Variants in KYAT1 observed in about 807,000 individuals in gnomAD.
KYAT1 encodes kynurenine--oxoglutarate transaminase 1.
KYAT1 carries 47 observed loss-of-function variants against 52.4 expected under a neutral mutation model. The ratio of observed to expected loss-of-function variants is 0.90; its 90% confidence interval spans 0.71 to 1.14. The LOEUF (loss-of-function observed/expected upper bound fraction) is 1.14. KYAT1 is among the 50% of genes most tolerant of loss of function. The pLI, the probability that KYAT1 is intolerant of heterozygous loss-of-function variation, is 0.00. For synonymous variants in KYAT1, 212 were observed against 209.6 expected (o/e 1.01, Z -0.10); for missense variants, 480 against 557.9 (o/e 0.86, Z 1.41).
chr9:128,871,768 T>C (rs1473442267), intron 1 of KYAT1, among the ~76,000 whole-genome samples: 2 of 152,144 alleles, frequency 1.3e-5, no homozygotes, highest in Non-Finnish European at 1.5e-5. Context: ...TACATATATA[T>C]ACATATACAC....
At chr9:128,851,105 A>C (rs976724498) in intron 1 of KYAT1, among the ~76,000 whole-genome samples, 1 of 152,152 alleles carries the variant, frequency 6.6e-6, no homozygotes, top group African/African-American at 2.4e-5. Flanking sequence ...CAGGTCCTTG[A>C]TATGCTGCAT....
intron 1 of KYAT1, among the ~76,000 whole-genome samples, chr9:128,863,971 C>T (rs973879726): frequency 1.3e-5 from 2 of 152,118 alleles, no homozygotes; most frequent in African/African-American, 4.8e-5. Flanking sequence ...CAGGCCTTCC[C>T]TAGTCAGCTC....
rs1359414919 is a variant in KYAT1, at chr9:128,838,202, A to G, written c.351+16T>C. 2 of 1,614,092 alleles carry G rather than the reference A, an allele frequency of 1.2e-6. No homozygotes were observed. Among genetic ancestry groups the G allele is most frequent in the African/African-American group, 1.3e-5 (1 of 74,922 alleles). Reference sequence around the variant, plus strand: ...TGACCTCTCAGTCCCACTCAGCCCAAGTCTTGCCCACTCACCTCGTCTCCT... The same window carrying G: ...TGACCTCTCAGTCCCACTCAGCCCAGGTCTTGCCCACTCACCTCGTCTCCT... On this transcript the variant is annotated intron_variant, in intron 4 of 12. Transcript: ENST00000302586.
intron 3 of KYAT1, chr9:128,840,783 T>C (rs1832017750): frequency 3.3e-6 from 1 of 306,664 alleles, no homozygotes; most frequent in Non-Finnish European, 6.5e-6. Context: ...CTCAAACTCC[T>C]GGGCTCAAAC....
At chr9:128,848,935 G>A (rs985122534) in intron 1 of KYAT1, among the ~76,000 whole-genome samples, 5 of 151,432 alleles carry the variant, frequency 3.3e-5, no homozygotes, top group South Asian at 2.1e-4. Context: ...TGAGACCAGC[G>A]AAACCCCATC....
At chr9:128,837,255 C>G (rs983797451) in intron 6 of KYAT1, among the ~76,000 whole-genome samples, 2 of 152,202 alleles carry the variant, frequency 1.3e-5, no homozygotes, top group Non-Finnish European at 2.9e-5. Context: ...GATCACACCA[C>G]TGCACTCCAG....
At chr9:128,881,773 C>T (rs1381198592) in intron 1 of KYAT1, 124 bp downstream of exon 1, 1 of 152,140 alleles carries the variant, frequency 6.6e-6, no homozygotes, top group Non-Finnish European at 1.5e-5. Context: ...GCAGCCACTC[C>T]GTTATACTTA....
chr9:128,841,655 C>T (rs1832193341), intron 3 of KYAT1, among the ~76,000 whole-genome samples: 2 of 150,526 alleles, frequency 1.3e-5, no homozygotes, highest in Admixed American at 6.6e-5. Flanking sequence ...GAGATTGCGC[C>T]CCTGCACTCC....
intron 1 of KYAT1, among the ~76,000 whole-genome samples, chr9:128,848,175 C>T (rs1324225837): frequency 6.6e-6 from 1 of 151,816 alleles, no homozygotes; most frequent in African/African-American, 2.4e-5. Flanking sequence ...AAAAATTGAC[C>T]AGGTGTGATG....
At chr9:128,864,290 C>T (rs575910720) in intron 1 of KYAT1, among the ~76,000 whole-genome samples, 11 of 139,232 alleles carry the variant, frequency 7.9e-5, no homozygotes, top group South Asian at 2.3e-4. Flanking sequence ...GTTGTGAACC[C>T]GGGAGGCGAA....
intron 1 of KYAT1, among the ~76,000 whole-genome samples, chr9:128,852,242 A>G (rs942826523): frequency 2.6e-5 from 4 of 152,178 alleles, no homozygotes; most frequent in African/African-American, 9.7e-5. Flanking sequence ...GCCATAATAC[A>G]ACCCATGGGT....
At chr9:128,878,680 G>A (rs967357414) in intron 1 of KYAT1, among the ~76,000 whole-genome samples, 10 of 152,198 alleles carry the variant, frequency 6.6e-5, no homozygotes, top group African/African-American at 2.4e-4. Flanking sequence ...AATTGGCAGA[G>A]GAGAGAGAAA....
intron 11 of KYAT1, chr9:128,835,061 T>TG (rs1194909637): frequency 6.6e-6 from 3 of 454,820 alleles, no homozygotes; most frequent in Non-Finnish European, 1.2e-5. Flanking sequence ...GGCGTGAACC[T>TG]GGGGGGCAGA....
In KYAT1 at chr9:128,838,053, G is replaced by T; in HGVS notation, c.436C>A (p.Pro146Thr). The T allele has an allele frequency of 6.2e-7, 1 of 1,613,930 alleles. No individual in the cohort carries two copies. Among genetic ancestry groups the T allele is most frequent in the Non-Finnish European group, 8.5e-7 (1 of 1,179,888 alleles). ...GGRPVFVSLK[P>T]GPIQNGELGS... ...CATCCTCTACCTAGCATCCTTACCG[G>T]CTTCAGGGACACAAACACAGGACGA... Residue 146 changes from proline (P) to threonine (T), a missense_variant and splice_region_variant, in exon 5 of 13, where the codon CCG (proline) becomes ACG (threonine). Pro to Thr is a conservative substitution (Grantham distance 38). Transcript: ENST00000302586.
In KYAT1 at chr9:128,838,078, A is replaced by G; in HGVS notation, c.411T>C (p.Gly137=). The G allele has an allele frequency of 6.2e-7, 1 of 1,613,728 alleles. No homozygotes were observed. The highest frequency in any genetic ancestry group is 2.2e-5 in the East Asian group (1 of 44,854). The change falls in exon 5 of 13, where the codon GGT becomes GGC. Residue 137 remains glycine, a synonymous_variant. Transcript: ENST00000302586. ...CYEPMTMMAG[G]RPVFVSLKPG... is the part of the protein sequence containing the mutation. ...GCTTCAGGGACACAAACACAGGACG[A>G]CCCCCTGCCATCATTGTCATGGGCT... is the stretch of plus-strand genomic sequence containing the variant.
intron 1 of KYAT1, chr9:128,847,327 C>G (rs1833257348): frequency 1.4e-6 from 1 of 698,332 alleles, no homozygotes. Context: ...TTAAAGAGGG[C>G]TCCCTGAAAG....
Position 128,837,675 on chromosome 9 carries a change from C to T in KYAT1, c.567+10G>A. 6.2e-7 allele frequency: 1 copy of T among 1,613,900 alleles called. No homozygotes were observed. The highest frequency in any genetic ancestry group is 8.5e-7 in the Non-Finnish European group (1 of 1,179,924). On this transcript the variant is annotated intron_variant, in intron 6 of 12. Coordinates refer to ENST00000302586, the MANE Select transcript of KYAT1 (RefSeq NM_004059.5). ...CCGCAGGGGGCCAGGGAAGGAGGTC[C>T]CTCCAGTACCTTGCCCAGGGGGTTG... is the stretch of plus-strand genomic sequence containing the variant.
At chr9:128,839,774 C>T (rs1157200775) in intron 3 of KYAT1, among the ~76,000 whole-genome samples, 1 of 152,226 alleles carries the variant, frequency 6.6e-6, no homozygotes, top group Non-Finnish European at 1.5e-5. Context: ...AGGCACAGGC[C>T]AGGCACCGTG....
At chr9:128,872,502 T>C (rs1158634452) in intron 1 of KYAT1, among the ~76,000 whole-genome samples, 1 of 150,356 alleles carries the variant, frequency 6.7e-6, no homozygotes, top group East Asian at 2.0e-4. Flanking sequence ...GCGCAGTGGC[T>C]CATGCCTGTA....
Sources: allele counts gnomAD v4.1 joint callset (sites outside exome capture counted in the v4.1 genomes callset), GRCh38; gene constraint gnomAD v4.1.1; transcripts MANE v1.5; gene names NCBI Gene and HGNC (gene_info 2026-07-23, HGNC 2026-07-21).